MRAS: variants seen among roughly 807,000 people sequenced by gnomAD.
MRAS encodes the protein muscle RAS oncogene homolog.
MRAS carries 4 observed loss-of-function variants against 20.9 expected under a neutral mutation model. The ratio of observed to expected loss-of-function variants is 0.19; its 90% CI spans 0.09 to 0.44. The LOEUF (loss-of-function observed/expected upper bound fraction) is 0.44. Among genes scored for constraint, MRAS ranks in the 20% least tolerant of loss-of-function variants. The pLI is 0.99. For missense variants in MRAS, 154 were observed against 277.5 expected (o/e 0.56, Z 3.16); for synonymous variants, 98 against 102.9 (o/e 0.95, Z 0.29).
chr3:138,386,770 A>ACGAAAAC (rs1332387105), intron 2 of MRAS, among the ~76,000 whole-genome samples: 2 of 152,186 alleles, frequency 1.3e-5, no homozygotes, highest in Non-Finnish European at 2.9e-5. Context: ...GGCGTGAGCC[A>ACGAAAAC]CCGCGTTCGG....
intron 3 of MRAS, among the ~76,000 whole-genome samples, 162 bp from the exon 4 acceptor site, chr3:138,398,307 C>T (rs57479499): frequency 4.6e-5 from 7 of 152,198 alleles, no homozygotes; most frequent in African/African-American, 1.7e-4. Flanking sequence ...CCCCCAAGCC[C>T]TGACCTCTCT....
At chr3:138,362,910 T>A (rs2054479038) in intron 1 of MRAS, among the ~76,000 whole-genome samples, 1 of 152,074 alleles carries the variant, frequency 6.6e-6, no homozygotes, top group South Asian at 2.1e-4. Flanking sequence ...ACATACACAC[T>A]CCACATTCCA....
intron 1 of MRAS, among the ~76,000 whole-genome samples, chr3:138,352,369 G>C (rs889148781): frequency 6.6e-6 from 1 of 152,204 alleles, no homozygotes; most frequent in African/African-American, 2.4e-5. Context: ...TGGCCAGCAT[G>C]ATCTAAGACA....
chr3:138,397,539 C>A, intron 3 of MRAS, 62 bp downstream of exon 3: 2 of 1,552,258 alleles, frequency 1.3e-6, no homozygotes, highest in South Asian at 1.2e-5. Flanking sequence ...CTAGGGCGCT[C>A]TCTCTCTCTC....
At chr3:138,363,438 C>T (rs982109368) in intron 1 of MRAS, among the ~76,000 whole-genome samples, 12 of 152,142 alleles carry the variant, frequency 7.9e-5, no homozygotes, top group African/African-American at 2.7e-4. Flanking sequence ...GGAAGCCTTC[C>T]GCAGCACCCC....
At chr3:138,354,574 T>A (rs987553046) in intron 1 of MRAS, among the ~76,000 whole-genome samples, 2 of 151,984 alleles carry the variant, frequency 1.3e-5, no homozygotes, top group Non-Finnish European at 2.9e-5. Flanking sequence ...CTGGGGAGAG[T>A]GTGTGTTTTT....
intron 1 of MRAS, among the ~76,000 whole-genome samples, chr3:138,362,667 G>A (rs565163359): frequency 2.8e-4 from 43 of 152,242 alleles, no homozygotes; most frequent in African/African-American, 1.0e-3. Flanking sequence ...GGCAGGGTCC[G>A]GGGGCCTCCA....
rs1388908911 is a variant in MRAS, at chr3:138,403,109, A to C, written c.*840A>C. The C allele has an allele frequency of 6.6e-6, 1 of 152,194 alleles. No homozygotes were observed. The highest frequency in any genetic ancestry group is 1.5e-5 in the Non-Finnish European group (1 of 68,036). 9.4% of individuals were successfully genotyped at this position (152,194 alleles called of 1,614,324 possible). A position where few individuals can be genotyped will look rare whatever the true frequency, so the allele number is the denominator to read the frequency against. The stretch of plus-strand genomic sequence containing the variant: ...AAAAGGGGTTTTCATTATCCTGGAA[A>C]TGTATAAACTAAAGTAAGCTGATTG... On this transcript the variant is annotated 3_prime_UTR_variant, in exon 6 of 6. Transcript: ENST00000423968.
chr3:138,352,258 C>T (rs1415854703), intron 1 of MRAS, among the ~76,000 whole-genome samples: 2 of 152,172 alleles, frequency 1.3e-5, no homozygotes, highest in Non-Finnish European at 2.9e-5. Flanking sequence ...GGAAGCATTC[C>T]CGCTACCTGT....
At chr3:138,380,568 C>G (rs2054880104) in intron 2 of MRAS, among the ~76,000 whole-genome samples, 1 of 152,182 alleles carries the variant, frequency 6.6e-6, no homozygotes, top group Non-Finnish European at 1.5e-5. Flanking sequence ...ACCTCGGCCT[C>G]CTAAAGTGCT....
intron 3 of MRAS, among the ~76,000 whole-genome samples, chr3:138,398,084 A>G (rs563622557): frequency 6.6e-6 from 1 of 152,316 alleles, no homozygotes; most frequent in African/African-American, 2.4e-5. Flanking sequence ...GTCAATAAGA[A>G]TCTTTACGGT....
In MRAS at chr3:138,404,887, C is replaced by A. The variant is rs2055427995; in HGVS notation, c.*2618C>A. ...TCTGGCTGTTTGACATCCTCATGTT[C>A]CCGTTGGTCTTCCGGAGAATAGTGC... On this transcript the variant is annotated 3_prime_UTR_variant, in exon 6 of 6. Transcript: ENST00000423968. 6.6e-6 allele frequency: 1 copy of A among 152,190 alleles called. No individual in the cohort carries two copies. The highest frequency in any genetic ancestry group is 1.5e-5 in the Non-Finnish European group (1 of 68,052). The allele number at this position is 152,190 out of a possible 1,614,324, so 9.4% of individuals were successfully genotyped here.
At chr3:138,358,403 C>G (rs1553797083) in intron 1 of MRAS, among the ~76,000 whole-genome samples, 1 of 152,042 alleles carries the variant, frequency 6.6e-6, no homozygotes, top group Non-Finnish European at 1.5e-5. Flanking sequence ...GCACTCTAGA[C>G]CTTACCTTTA....
chr3:138,402,980 G>C lies in MRAS; in HGVS notation c.*711G>C, dbSNP rs2055391228. 6.6e-6 allele frequency: 1 copy of C among 152,434 alleles called. No individual in the cohort carries two copies. Among genetic ancestry groups the C allele is most frequent in the African/African-American group, 2.4e-5 (1 of 41,420 alleles). The allele number at this position is 152,434 out of a possible 1,614,324, so 9.4% of individuals were successfully genotyped here. On this transcript the variant is annotated 3_prime_UTR_variant, in exon 6 of 6. Transcript: ENST00000423968. ...CACATGGCCTAGAAATGAGAGAAGAGAGAGGTATTTACCCAGAGGATTTTC... is the reference window on the plus strand; with the variant it reads ...CACATGGCCTAGAAATGAGAGAAGACAGAGGTATTTACCCAGAGGATTTTC...
chr3:138,367,633 G>A (rs1425767077), intron 1 of MRAS, among the ~76,000 whole-genome samples: 1 of 152,210 alleles, frequency 6.6e-6, no homozygotes, highest in Non-Finnish European at 1.5e-5. Flanking sequence ...CACAAGGGAG[G>A]CCCGTGTGGG....
chr3:138,360,659 G>T (rs2054428311), intron 1 of MRAS, among the ~76,000 whole-genome samples: 1 of 152,224 alleles, frequency 6.6e-6, no homozygotes, highest in African/African-American at 2.4e-5. Context: ...TCTAGGTCCT[G>T]TGTGGCCCAT....
In MRAS at chr3:138,402,991, AC is replaced by A. The variant is rs1452559761; in HGVS notation, c.*725del. The stretch of plus-strand genomic sequence containing the variant: ...GAAATGAGAGAAGAGAGAGGTATTT[AC>A]CCAGAGGATTTTCCTATGGTTGGGG... On this transcript the variant is annotated 3_prime_UTR_variant, in exon 6 of 6. Coordinates refer to ENST00000423968, the MANE Select transcript of MRAS (RefSeq NM_001085049.3). The A allele has an allele frequency of 1.3e-5, 2 of 152,394 alleles. No homozygotes were observed. The highest frequency in any genetic ancestry group is 4.8e-5 in the African/African-American group (2 of 41,436). 9.4% of individuals were successfully genotyped at this position (152,394 alleles called of 1,614,324 possible).
At chr3:138,369,058 A>G (rs1369660108) in intron 1 of MRAS, among the ~76,000 whole-genome samples, 1 of 152,194 alleles carries the variant, frequency 6.6e-6, no homozygotes, top group Non-Finnish European at 1.5e-5. Context: ...ATCTCTTAGT[A>G]GGAGAGAGAC....
intron 1 of MRAS, among the ~76,000 whole-genome samples, chr3:138,360,308 C>T (rs917772364): frequency 3.9e-5 from 6 of 152,214 alleles, no homozygotes; most frequent in African/African-American, 1.2e-4. Flanking sequence ...CCGGGCCTTC[C>T]GTTCCCTCTC....
Sources: allele counts gnomAD v4.1 joint callset (sites outside exome capture counted in the v4.1 genomes callset), GRCh38; gene constraint gnomAD v4.1.1; transcripts MANE v1.5; gene names NCBI Gene and HGNC (gene_info 2026-07-23, HGNC 2026-07-21).